The following DNER variants were observed in gnomAD, a reference collection of about 807,000 sequenced individuals.
DNER encodes delta/notch like EGF repeat containing.
A neutral mutation model predicts 78.2 loss-of-function variants in DNER; 33 were observed. That is an observed-to-expected ratio of 0.42 (90% CI 0.32 to 0.56). The LOEUF (loss-of-function observed/expected upper bound fraction) is 0.56, where lower values mean the gene tolerates loss of function less well. Ranked by LOEUF, DNER falls within the 20% of genes least tolerant of loss-of-function variation. The pLI, the probability that DNER is intolerant of heterozygous loss-of-function variation, is 0.11. For missense variants in DNER, 918 were observed against 975.3 expected, an observed-to-expected ratio of 0.94 and a Z score of 0.78; for synonymous variants, 417 against 384.8, an observed-to-expected ratio of 1.08 and a Z score of -0.98.
intron 7 of DNER, among the ~76,000 whole-genome samples, chr2:229,470,722 C>T (rs900029329): frequency 3.1e-4 from 47 of 151,930 alleles, no homozygotes; most frequent in African/African-American, 1.1e-3. Context: ...TGGTGATGGT[C>T]GCCTGTAATG....
intron 1 of DNER, among the ~76,000 whole-genome samples, chr2:229,612,523 G>A (rs553786200): frequency 6.6e-6 from 1 of 152,362 alleles, no homozygotes; most frequent in South Asian, 2.1e-4. Context: ...GACTTAGACT[G>A]GCCCAGCTGT....
intron 4 of DNER, 133 bp downstream of exon 4, chr2:229,585,725 C>A: frequency 3.3e-6 from 3 of 903,788 alleles, no homozygotes; most frequent in South Asian, 1.9e-5. Flanking sequence ...AAAACCTTAC[C>A]AAAGTGAAAG....
chr2:229,688,354 T>G (rs78949366), intron 1 of DNER, among the ~76,000 whole-genome samples: 2,597 of 152,318 alleles, frequency 0.017, 41 homozygotes, highest in East Asian at 0.049. Flanking sequence ...TCAGCAACAT[T>G]GAGCAAGCCA....
At chr2:229,464,475 A>G (rs950327168) in intron 7 of DNER, among the ~76,000 whole-genome samples, 1 of 152,160 alleles carries the variant, frequency 6.6e-6, no homozygotes, top group African/African-American at 2.4e-5. Context: ...GAATACATAG[A>G]AGGGCATAAG....
chr2:229,555,786 TAAA>T (rs68030461), intron 4 of DNER, among the ~76,000 whole-genome samples: 3,217 of 146,674 alleles, frequency 0.022, 106 homozygotes, highest in African/African-American at 0.067. Context: ...TCCAGTTTAC[TAAA>T]AAAAAAAAAA....
intron 5 of DNER, among the ~76,000 whole-genome samples, chr2:229,532,448 A>T (rs144104416): frequency 1.3e-5 from 2 of 152,170 alleles, no homozygotes; most frequent in East Asian, 3.9e-4. Context: ...GTACCATCTC[A>T]CTCTGTCCTT....
intron 4 of DNER, among the ~76,000 whole-genome samples, chr2:229,567,615 T>G (rs1305613136): frequency 6.6e-6 from 1 of 152,164 alleles, no homozygotes; most frequent in East Asian, 1.9e-4. Flanking sequence ...TAACCAGGAT[T>G]ACATATCTTG....
At chr2:229,675,596 T>A (rs1307511171) in intron 1 of DNER, among the ~76,000 whole-genome samples, 3 of 152,126 alleles carry the variant, frequency 2.0e-5, no homozygotes, top group Non-Finnish European at 4.4e-5. Context: ...TGGAGGCTAA[T>A]CATCCAGAAG....
Position 229,595,744 on chromosome 2 carries a change from C to T in DNER, c.277-3856G>A, listed in dbSNP as rs190989494. Among the ~76,000 whole-genome samples, 433 of 152,292 alleles carry T rather than the reference C, an allele frequency of 2.8e-3. 2 individuals carry two copies. The highest frequency in any genetic ancestry group is 9.3e-3 in the Admixed American group (142 of 15,290). Reference sequence around the variant, plus strand: ...CTCTCCTGCCCCAGGGCCTTTGCACCGGCAGTACCCTCTGCCGGGAATGCC... The same window carrying T: ...CTCTCCTGCCCCAGGGCCTTTGCACTGGCAGTACCCTCTGCCGGGAATGCC... On this transcript the variant is annotated intron_variant, in intron 1 of 12. Transcript: ENST00000341772.
rs545315892 is a variant in DNER, at chr2:229,415,596, T to A, written c.1609+2512A>T. Among the ~76,000 whole-genome samples, 458 of 152,336 alleles carry A rather than the reference T, an allele frequency of 3.0e-3. 1 individual carries two copies. Among genetic ancestry groups the A allele is most frequent in the Non-Finnish European group, 5.6e-3 (379 of 68,028 alleles). On this transcript the variant is annotated intron_variant, in intron 9 of 12. Transcript: ENST00000341772. ...TCAAATATTTAGATTTATGCCTGCA[T>A]TTAAAGGCATACATCTCTTCCTTCC...
intron 12 of DNER, among the ~76,000 whole-genome samples, 189 bp downstream of exon 12, chr2:229,366,684 C>A (rs1390935384): frequency 2.0e-5 from 3 of 152,126 alleles, no homozygotes; most frequent in Non-Finnish European, 4.4e-5. Flanking sequence ...AAAGGAAAAG[C>A]TAGCAGCAAA....
At position 229,654,014 on chromosome 2, in the gene DNER, C is replaced by T. The variant is rs188893571; in HGVS notation, c.276+60134G>A. On this transcript the variant is annotated intron_variant, in intron 1 of 12. Transcript: ENST00000341772. ...TAAGTTCTGTGGTACATATGCACAA[C>T]GTGCAGGTTTGTTACATATGTGTAC... is the stretch of plus-strand genomic sequence containing the variant. Among the ~76,000 whole-genome samples the T allele has an allele frequency of 4.6e-5, 7 of 152,248 alleles. No individual in the cohort carries two copies. In the East Asian group the frequency reaches 1.2e-3, roughly 25 times the overall value.
At chr2:229,499,576 T>A (rs1695571335) in intron 6 of DNER, among the ~76,000 whole-genome samples, 1 of 149,506 alleles carries the variant, frequency 6.7e-6, no homozygotes, top group Non-Finnish European at 1.5e-5. Flanking sequence ...ATGCAAAACA[T>A]CAATTTAAAG....
chr2:229,692,201 A>G (rs1699587033), intron 1 of DNER, among the ~76,000 whole-genome samples: 1 of 152,182 alleles, frequency 6.6e-6, no homozygotes, highest in Admixed American at 6.5e-5. Context: ...TAATACATAC[A>G]ATGTAGAAGA....
chr2:229,528,847 G>A (rs571633725), intron 5 of DNER, among the ~76,000 whole-genome samples: 41 of 152,226 alleles, frequency 2.7e-4, no homozygotes, highest in Middle Eastern at 3.4e-3. Context: ...AGATTGTGTC[G>A]CTTAATTCCC....
chr2:229,600,761 T>C (rs992541424), intron 1 of DNER, among the ~76,000 whole-genome samples: 1 of 152,130 alleles, frequency 6.6e-6, no homozygotes, highest in Non-Finnish European at 1.5e-5. Flanking sequence ...ATCCATCAGC[T>C]GAACTAAATG....
intron 1 of DNER, among the ~76,000 whole-genome samples, chr2:229,606,497 A>AT (rs113100607): frequency 0.04 from 6,098 of 151,960 alleles, 162 homozygotes; most frequent in Middle Eastern, 0.1. Context: ...GATTAAAAAA[A>AT]AATAAAATTC....
intron 6 of DNER, among the ~76,000 whole-genome samples, chr2:229,495,800 C>T (rs1695489909): frequency 6.6e-6 from 1 of 152,138 alleles, no homozygotes; most frequent in Admixed American, 6.5e-5. Flanking sequence ...TGATTCTGTT[C>T]CTCATATTAA....
intron 1 of DNER, among the ~76,000 whole-genome samples, chr2:229,639,225 AT>A (rs1234145842): frequency 6.6e-6 from 1 of 152,134 alleles, no homozygotes; most frequent in Non-Finnish European, 1.5e-5. Flanking sequence ...AGCACCAATT[AT>A]TTTAGACTGT....
Sources: allele counts gnomAD v4.1 joint callset (sites outside exome capture counted in the v4.1 genomes callset), GRCh38; gene constraint gnomAD v4.1.1; transcripts MANE v1.5; gene names NCBI Gene and HGNC (gene_info 2026-07-23, HGNC 2026-07-21).